SHROOM4: variants seen among roughly 807,000 people sequenced by gnomAD.
SHROOM4 encodes the protein shroom family member 4, also known as protein Shroom4.
A neutral mutation model predicts 80.3 loss-of-function variants in SHROOM4; 17 were observed. The ratio of observed to expected loss-of-function variants is 0.21; its 90% CI spans 0.14 to 0.32. SHROOM4 has a LOEUF of 0.32. Ranked by LOEUF, SHROOM4 falls within the 10% of genes least tolerant of loss-of-function variation. The pLI, the probability that SHROOM4 is intolerant of heterozygous loss-of-function variation, is 1.00. For missense variants in SHROOM4, 993 were observed against 1,140.3 expected (o/e 0.87, Z 1.86); for synonymous variants, 400 against 437.5 (o/e 0.91, Z 1.07).
chrX:50,603,062 A>T (rs1929503496), intron 6 of SHROOM4, among the ~76,000 whole-genome samples: 1 of 111,805 alleles, frequency 8.9e-6, no homozygotes. Context: ...TTCTTTCGAG[A>T]TAATTTGGTT....
intron 2 of SHROOM4, among the ~76,000 whole-genome samples, chrX:50,657,651 T>C (rs1384318357): frequency 9.0e-6 from 1 of 110,820 alleles, no homozygotes; most frequent in Non-Finnish European, 1.9e-5. Context: ...TGAATCTATG[T>C]TCCTCAGAAG....
chrX:50,679,605 G>T (rs1932901064), intron 2 of SHROOM4, among the ~76,000 whole-genome samples: 2 of 111,369 alleles, frequency 1.8e-5, no homozygotes, highest in South Asian at 7.5e-4. Flanking sequence ...GGGGGTACGT[G>T]ATATTGTGAT....
chrX:50,747,339 G>A (rs1360274297), intron 1 of SHROOM4, among the ~76,000 whole-genome samples: 4 of 111,675 alleles, frequency 3.6e-5, no homozygotes, highest in Non-Finnish European at 7.5e-5. Context: ...CGAATTAAAA[G>A]TGCTAATTCA....
At chrX:50,696,051 C>A (rs1169177653) in intron 1 of SHROOM4, 114 bp from the exon 2 acceptor site, 16 of 868,338 alleles carry the variant, frequency 1.8e-5, no homozygotes, top group Non-Finnish European at 2.7e-5. Context: ...TGGCTCCAGG[C>A]AGCTCCTGGG....
At chrX:50,750,808 G>A (rs1184838213) in intron 1 of SHROOM4, among the ~76,000 whole-genome samples, 2 of 111,964 alleles carry the variant, frequency 1.8e-5, no homozygotes, top group Admixed American at 1.9e-4. Flanking sequence ...CGATCAGAGT[G>A]GGAAATGCTA....
intron 5 of SHROOM4, among the ~76,000 whole-genome samples, chrX:50,611,241 C>T (rs1473069255): frequency 9.4e-6 from 1 of 106,122 alleles, no homozygotes; most frequent in Non-Finnish European, 1.9e-5. Flanking sequence ...CTCCGCCTCC[C>T]GGGTTCACGC....
chrX:50,601,006 A>G (rs1929371183), intron 7 of SHROOM4, among the ~76,000 whole-genome samples: 1 of 112,074 alleles, frequency 8.9e-6, no homozygotes, highest in East Asian at 2.8e-4. Context: ...GGATAGATGG[A>G]AGGATAAAAG....
chrX:50,788,395 A>G (rs1557271256), intron 1 of SHROOM4, among the ~76,000 whole-genome samples: 1 of 111,792 alleles, frequency 8.9e-6, no homozygotes, highest in African/African-American at 3.3e-5. Context: ...AAAACAAGAA[A>G]AAAGAATTAT....
intron 1 of SHROOM4, among the ~76,000 whole-genome samples, chrX:50,795,006 T>G (rs1426278884): frequency 1.2e-5 from 1 of 84,453 alleles, no homozygotes. Context: ...TAACAACATC[T>G]TTATATATAT....
At chrX:50,705,251 G>A (rs782673998) in intron 1 of SHROOM4, among the ~76,000 whole-genome samples, 4 of 108,555 alleles carry the variant, frequency 3.7e-5, no homozygotes, top group African/African-American at 1.4e-4. Flanking sequence ...ACAAAACTGA[G>A]TTTCCACAAC....
intron 1 of SHROOM4, among the ~76,000 whole-genome samples, chrX:50,777,134 A>T (rs1935528589): frequency 9.0e-6 from 1 of 111,693 alleles, no homozygotes; most frequent in Non-Finnish European, 1.9e-5. Context: ...ATGGGTAGTC[A>T]CACCTGTTGC....
At chrX:50,683,820 A>C (rs1268043827) in intron 2 of SHROOM4, among the ~76,000 whole-genome samples, 1 of 111,384 alleles carries the variant, frequency 9.0e-6, no homozygotes, top group East Asian at 2.8e-4. Flanking sequence ...TAGAAGTCTT[A>C]TTTGCTAAAT....
chrX:50,620,671 T>C (rs1213201073), intron 5 of SHROOM4, among the ~76,000 whole-genome samples: 3 of 111,858 alleles, frequency 2.7e-5, no homozygotes, highest in African/African-American at 9.8e-5. Flanking sequence ...TTTTACAATT[T>C]CTATTTATTG....
chrX:50,638,515 G>T (rs191185118), intron 2 of SHROOM4, among the ~76,000 whole-genome samples: 7 of 112,596 alleles, frequency 6.2e-5, no homozygotes, highest in African/African-American at 2.3e-4. Flanking sequence ...TCATAGGGCT[G>T]CTTTGTTCAC....
intron 1 of SHROOM4, among the ~76,000 whole-genome samples, chrX:50,776,687 CT>C (rs1236073338): frequency 9.1e-6 from 1 of 109,294 alleles, no homozygotes; most frequent in Admixed American, 9.8e-5. Flanking sequence ...GACTTTTTTT[CT>C]TTTTTTTTAT....
At chrX:50,685,540 G>T (rs1933051349) in intron 2 of SHROOM4, among the ~76,000 whole-genome samples, 1 of 112,214 alleles carries the variant, frequency 8.9e-6, no homozygotes, top group Admixed American at 9.4e-5. Context: ...GTACAGAAAG[G>T]AGACATTTCC....
chrX:50,628,774 A>G (rs1930921357), intron 4 of SHROOM4, among the ~76,000 whole-genome samples: 1 of 112,223 alleles, frequency 8.9e-6, no homozygotes, highest in Admixed American at 9.4e-5. Context: ...CAGTAGTGAT[A>G]ATAAATAAGA....
chrX:50,706,983 G>C (rs1557264020), intron 1 of SHROOM4, among the ~76,000 whole-genome samples: 2 of 111,618 alleles, frequency 1.8e-5, no homozygotes, highest in Non-Finnish European at 3.8e-5. Flanking sequence ...ATGAACAGTG[G>C]GATATTTAAC....
intron 4 of SHROOM4, 57 bp from the exon 5 acceptor site, chrX:50,627,732 G>T: frequency 9.7e-7 from 1 of 1,025,891 alleles, no homozygotes; most frequent in Non-Finnish European, 1.4e-6. Flanking sequence ...TATCTAGATG[G>T]CCTCAAAAAT....
Sources: gnomAD v4.1 joint callset for allele counts (sites outside exome capture counted in the v4.1 genomes callset) on GRCh38, gnomAD v4.1.1 for gene constraint, MANE v1.5 for transcripts, NCBI Gene and HGNC (gene_info 2026-07-23, HGNC 2026-07-21) for gene names.